The following PDE1C variants were observed in gnomAD, a reference collection of about 807,000 sequenced individuals.
The protein encoded by PDE1C is dual specificity calcium/calmodulin-dependent 3',5'-cyclic nucleotide phosphodiesterase 1C.
PDE1C carries 62 observed loss-of-function variants against 93.1 expected under a neutral mutation model. The ratio of observed to expected loss-of-function variants is 0.67; its 90% CI spans 0.54 to 0.82. PDE1C has a LOEUF of 0.82. PDE1C is among the 40% of genes least tolerant of loss of function. The pLI, the probability that PDE1C is intolerant of heterozygous loss-of-function variation, is 0.00. For synonymous variants in PDE1C, 325 were observed against 310.1 expected (o/e 1.05, Z -0.50); for missense variants, 742 against 884.6 (o/e 0.84, Z 2.04).
intron 16 of PDE1C, among the ~76,000 whole-genome samples, chr7:31,791,196 C>G (rs1399792810): frequency 6.6e-6 from 1 of 152,154 alleles, no homozygotes; most frequent in Non-Finnish European, 1.5e-5. Flanking sequence ...TCCTTCTGAT[C>G]TATTGTAATT....
chr7:31,727,189 CCTTA>C, the PDE1C span, among the ~76,000 whole-genome samples: 1 of 152,280 alleles, frequency 6.6e-6, no homozygotes, highest in East Asian at 1.9e-4. Context: ...CTTTCTAACA[CCTTA>C]CTGAGACGCC....
the PDE1C span, among the ~76,000 whole-genome samples, chr7:31,639,544 T>TG: frequency 0.77 from 103,840 of 135,024 alleles, 39,692 homozygotes; most frequent in African/African-American, 0.84. Context: ...TTTTGTTTTT[T>TG]TTTTTTTTTT....
chr7:32,286,337 C>G (rs780074294), intron 1 of PDE1C, among the ~76,000 whole-genome samples: 1 of 152,184 alleles, frequency 6.6e-6, no homozygotes, highest in Non-Finnish European at 1.5e-5. Flanking sequence ...AGATTCAAAT[C>G]CAGATCTCTC....
chr7:31,923,704 C>A (rs545020666), intron 2 of PDE1C, among the ~76,000 whole-genome samples: 1 of 152,210 alleles, frequency 6.6e-6, no homozygotes, highest in East Asian at 1.9e-4. Flanking sequence ...GGTTGTGCAC[C>A]GTGGCTCATG....
the PDE1C span, among the ~76,000 whole-genome samples, chr7:31,729,917 G>A: frequency 1.3e-5 from 2 of 152,162 alleles, no homozygotes; most frequent in Non-Finnish European, 2.9e-5. Flanking sequence ...GGAAGGACAC[G>A]TGGTATAACA....
chr7:31,706,125 C>T, the PDE1C span, among the ~76,000 whole-genome samples: 1 of 149,624 alleles, frequency 6.7e-6, no homozygotes, highest in Non-Finnish European at 1.5e-5. Context: ...CTGTCTCAGC[C>T]TCCCGAGTAG....
At chr7:32,072,513 G>A (rs113978398), upstream of PDE1C, among the ~76,000 whole-genome samples, 183 of 152,346 alleles carry the variant, frequency 1.2e-3, no homozygotes, top group African/African-American at 4.1e-3. Flanking sequence ...TTATAGTGAC[G>A]TGTTTTGAGA....
At chr7:32,108,737 AT>A (rs1798483250) in intron 3 of PDE1C, among the ~76,000 whole-genome samples, 1 of 152,194 alleles carries the variant, frequency 6.6e-6, no homozygotes, top group Non-Finnish European at 1.5e-5. Flanking sequence ...AAATCTAGCC[AT>A]GGTTTCCTCC....
chr7:32,113,236 A>AAAATATATAT (rs955078317), intron 3 of PDE1C, among the ~76,000 whole-genome samples: 5 of 94,020 alleles, frequency 5.3e-5, no homozygotes, highest in Non-Finnish European at 2.0e-5. Flanking sequence ...ATTGTCCTTA[A>AAAATATATAT]ATATATATAT....
At chr7:31,703,861 C>T in the PDE1C span, among the ~76,000 whole-genome samples, 5 of 152,186 alleles carry the variant, frequency 3.3e-5, no homozygotes, top group African/African-American at 9.7e-5. Flanking sequence ...GTTCCAACTG[C>T]GAGCACAGCC....
At chr7:32,222,405 C>G (rs1408779339) in intron 1 of PDE1C, among the ~76,000 whole-genome samples, 1 of 152,172 alleles carries the variant, frequency 6.6e-6, no homozygotes, top group African/African-American at 2.4e-5. Flanking sequence ...AGCACAGGGC[C>G]TGGCACACTT....
intron 1 of PDE1C, among the ~76,000 whole-genome samples, chr7:32,418,467 T>A (rs1785321261): frequency 6.6e-6 from 1 of 152,224 alleles, no homozygotes; most frequent in Admixed American, 6.5e-5. Context: ...TGTTAACGTC[T>A]ATTGTTCCTA....
chr7:32,058,704 C>T (rs1794427913), intron 1 of PDE1C, among the ~76,000 whole-genome samples: 1 of 152,190 alleles, frequency 6.6e-6, no homozygotes, highest in African/African-American at 2.4e-5. Flanking sequence ...CTATCCATTG[C>T]TTCCTGGCCT....
At chr7:32,416,254 C>A (rs758501773) in intron 1 of PDE1C, among the ~76,000 whole-genome samples, 14 of 152,334 alleles carry the variant, frequency 9.2e-5, no homozygotes, top group Middle Eastern at 3.4e-3. Context: ...CTGATTCCCC[C>A]TGGACACAGA....
At chr7:32,161,378 T>G (rs954147301) in intron 3 of PDE1C, among the ~76,000 whole-genome samples, 14 of 152,194 alleles carry the variant, frequency 9.2e-5, no homozygotes, top group African/African-American at 3.4e-4. Flanking sequence ...CAATCTCCTC[T>G]ACTCTACTGC....
At chr7:32,026,641 T>C (rs1265044906) in intron 2 of PDE1C, among the ~76,000 whole-genome samples, 3 of 152,014 alleles carry the variant, frequency 2.0e-5, no homozygotes, top group Non-Finnish European at 2.9e-5. Context: ...CTAAACACAC[T>C]CTTAACATCA....
At chr7:31,718,603 G>A in the PDE1C span, among the ~76,000 whole-genome samples, 2 of 152,186 alleles carry the variant, frequency 1.3e-5, no homozygotes, top group African/African-American at 4.8e-5. Flanking sequence ...ATGAGGATCA[G>A]CACCAGAGTG....
intron 1 of PDE1C, among the ~76,000 whole-genome samples, chr7:32,424,062 G>A (rs577182631): frequency 2.6e-5 from 4 of 152,258 alleles, no homozygotes; most frequent in African/African-American, 7.2e-5. Context: ...TTGTTCTGAG[G>A]TAACTTCTCA....
chr7:31,777,152 G>A (rs1432369912), intron 16 of PDE1C, among the ~76,000 whole-genome samples: 3 of 151,060 alleles, frequency 2.0e-5, no homozygotes, highest in Non-Finnish European at 2.9e-5. Flanking sequence ...AAAAAAAAAA[G>A]AAAGAAACAA....
Sources: gnomAD v4.1 joint callset for allele counts (sites outside exome capture counted in the v4.1 genomes callset) on GRCh38, gnomAD v4.1.1 for gene constraint, MANE v1.5 for transcripts, NCBI Gene and HGNC (gene_info 2026-07-23, HGNC 2026-07-21) for gene names.